HDAC4: variants seen among roughly 807,000 people sequenced by gnomAD.
The protein encoded by HDAC4 is histone deacetylase A.
A neutral mutation model predicts 135.1 loss-of-function variants in HDAC4; 16 were observed. The observed-to-expected ratio is 0.12, with a 90% CI of 0.08 to 0.18. HDAC4 has a LOEUF of 0.18. Among genes scored for constraint, HDAC4 ranks in the 10% least tolerant of loss-of-function variants. The pLI is 1.00. For missense variants in HDAC4, 1,143 were observed against 1,511.8 expected (o/e 0.76, Z 4.05); for synonymous variants, 685 against 653.4 (o/e 1.05, Z -0.74).
chr2:239,190,155 ACTGGCCAC>A, intron 3 of HDAC4, 78 bp from the exon 4 acceptor site: 1 of 1,128,948 alleles, frequency 8.9e-7, no homozygotes, highest in Non-Finnish European at 1.2e-6. Flanking sequence ...CACCCAACAC[ACTGGCCAC>A]CTTCACGGGG....
At chr2:239,099,964 C>T (rs538582692) in intron 16 of HDAC4, among the ~76,000 whole-genome samples, 1 of 152,370 alleles carries the variant, frequency 6.6e-6, no homozygotes, top group African/African-American at 2.4e-5. Flanking sequence ...GCCTCTGTGC[C>T]ACCTTCCTAC....
intron 3 of HDAC4, among the ~76,000 whole-genome samples, chr2:239,206,137 G>A (rs768111176): frequency 5.3e-5 from 8 of 152,200 alleles, no homozygotes; most frequent in Admixed American, 1.3e-4. Flanking sequence ...AGACCAGCCT[G>A]TGAGGCATAG....
At position 239,167,472 on chromosome 2, in the gene HDAC4, G is replaced by C. The variant is rs1325982895; in HGVS notation, c.491-3549C>G. Among the ~76,000 whole-genome samples the C allele has an allele frequency of 3.3e-5, 5 of 152,326 alleles. No homozygotes were observed. The South Asian group carries it at 8.3e-4, about 25-fold the overall frequency. Reference sequence around the variant, plus strand: ...TCACACCCCACCCATGCCCAGCATAGGCCTGGCCAGCAGGAAACACGAGGA... The same window carrying C: ...TCACACCCCACCCATGCCCAGCATACGCCTGGCCAGCAGGAAACACGAGGA... On this transcript the variant is annotated intron_variant, in intron 5 of 26. Coordinates refer to ENST00000543185, the MANE Select transcript of HDAC4 (RefSeq NM_001378414.1). The surrounding 1 kb of genome is among the most constrained non-coding windows in gnomAD (Gnocchi z 4.1).
Position 239,264,096 on chromosome 2 carries a change from C to T in HDAC4, c.23-27432G>A, listed in dbSNP as rs538884137. On this transcript the variant is annotated intron_variant, in intron 2 of 26. Coordinates refer to ENST00000543185, the MANE Select transcript of HDAC4 (RefSeq NM_001378414.1). ...ACAGCCCTGGAAAGGAGGGGGCTGA[C>T]TTTCCCAGGCCAGGCGGGGAGCTCG... Among the ~76,000 whole-genome samples the T allele has an allele frequency of 1.8e-4, 27 of 152,314 alleles. 1 individual carries two copies. In the South Asian group the frequency reaches 5.4e-3, roughly 30 times the overall value.
At chr2:239,153,350 A>G (rs2042227893) in intron 7 of HDAC4, among the ~76,000 whole-genome samples, 4 of 152,248 alleles carry the variant, frequency 2.6e-5, no homozygotes, top group Admixed American at 2.6e-4. Context: ...TCAAAATCAT[A>G]TAATTATTTA....
intron 3 of HDAC4, among the ~76,000 whole-genome samples, chr2:239,204,172 G>A (rs2045914277): frequency 6.6e-6 from 1 of 152,200 alleles, no homozygotes; most frequent in Non-Finnish European, 1.5e-5. Flanking sequence ...CTGTGAACCT[G>A]TGAGCTCCTC....
chr2:239,171,890 T>C (rs920668700), intron 5 of HDAC4, among the ~76,000 whole-genome samples: 2 of 152,148 alleles, frequency 1.3e-5, no homozygotes, highest in Non-Finnish European at 2.9e-5. Flanking sequence ...TAGAATTCTA[T>C]ACTCAGCAAA....
intron 1 of HDAC4, among the ~76,000 whole-genome samples, chr2:239,377,084 C>T (rs547176306): frequency 2.0e-4 from 30 of 152,242 alleles, no homozygotes; most frequent in African/African-American, 5.5e-4. Context: ...CCCCAGCCTG[C>T]GGGGCCTCTG....
intron 3 of HDAC4, among the ~76,000 whole-genome samples, chr2:239,195,930 A>C (rs373335111): frequency 1.3e-5 from 2 of 152,358 alleles, no homozygotes; most frequent in East Asian, 3.9e-4. Flanking sequence ...ATAAAGAAGC[A>C]TACTGATTTT....
intron 2 of HDAC4, among the ~76,000 whole-genome samples, chr2:239,266,569 C>T (rs1025880767): frequency 6.6e-6 from 1 of 152,174 alleles, no homozygotes; most frequent in African/African-American, 2.4e-5. Flanking sequence ...ATGACACACA[C>T]CTTTGCTCCC....
At chr2:239,107,921 C>A in intron 15 of HDAC4, 129 bp downstream of exon 15, 2 of 1,156,652 alleles carry the variant, frequency 1.7e-6, no homozygotes. Flanking sequence ...ATGCTTGTGG[C>A]CCTTCCCCCG....
chr2:239,096,880 G>C (rs2037150797), intron 16 of HDAC4, among the ~76,000 whole-genome samples: 1 of 152,138 alleles, frequency 6.6e-6, no homozygotes, highest in Non-Finnish European at 1.5e-5. Context: ...CAAGGCCGGA[G>C]GCTTGTAGAA....
At position 239,331,966 on chromosome 2, in the gene HDAC4, G is replaced by A. The variant is rs1207196512; in HGVS notation, c.22+20712C>T. Among the ~76,000 whole-genome samples the A allele has an allele frequency of 6.6e-6, 1 of 152,212 alleles. No homozygotes were observed. The highest frequency in any genetic ancestry group is 2.4e-5 in the African/African-American group (1 of 41,448). ...CCAGTCCTCACAGAATCCGCAGCTT[G>A]AGCGTAAGAAGGGATACAAGAGGGA... On this transcript the variant is annotated intron_variant, in intron 2 of 26. Transcript: ENST00000543185. This position sits in a 1 kb window ranked among gnomAD's most constrained non-coding sequence, Gnocchi z 4.5.
chr2:239,159,322 C>T (rs2042632707), intron 6 of HDAC4, among the ~76,000 whole-genome samples: 1 of 150,356 alleles, frequency 6.7e-6, no homozygotes, highest in South Asian at 2.1e-4. Context: ...CTCACACCTG[C>T]ACTGCACACT....
chr2:239,395,798 T>A (rs1216051915), intron 1 of HDAC4, among the ~76,000 whole-genome samples: 1 of 152,008 alleles, frequency 6.6e-6, no homozygotes, highest in Non-Finnish European at 1.5e-5. Context: ...TTATAAATAA[T>A]GCAGCCCCGA....
intron 1 of HDAC4, among the ~76,000 whole-genome samples, chr2:239,395,683 C>T (rs1696513923): frequency 6.6e-6 from 1 of 152,184 alleles, no homozygotes; most frequent in African/African-American, 2.4e-5. Context: ...GGCCCGGGGA[C>T]TGCTCCAGAC....
At chr2:239,395,064 G>A (rs902359868) in intron 1 of HDAC4, among the ~76,000 whole-genome samples, 2 of 152,232 alleles carry the variant, frequency 1.3e-5, no homozygotes, top group Non-Finnish European at 2.9e-5. Flanking sequence ...TGAGGGGCTG[G>A]AGAAGAGGAA....
chr2:239,055,562 C>T (rs2031692323), intron 24 of HDAC4, among the ~76,000 whole-genome samples: 1 of 151,962 alleles, frequency 6.6e-6, no homozygotes, highest in Non-Finnish European at 1.5e-5. Flanking sequence ...ACTAAAAATA[C>T]AAAACTTAGC....
intron 3 of HDAC4, among the ~76,000 whole-genome samples, chr2:239,214,623 CACGCGTGGCA>C (rs543693784): frequency 3.3e-4 from 51 of 152,356 alleles, no homozygotes; most frequent in African/African-American, 1.2e-3. Flanking sequence ...TGTGGCTCGC[CACGCGTGGCA>C]ATGCTGGAGC....
Sources: allele counts gnomAD v4.1 joint callset (sites outside exome capture counted in the v4.1 genomes callset), GRCh38; gene constraint gnomAD v4.1.1; non-coding constraint Gnocchi (gnomAD v3.1); transcripts MANE v1.5; gene names NCBI Gene and HGNC (gene_info 2026-07-23, HGNC 2026-07-21).